Variants in SULT1B1 observed in about 807,000 individuals in gnomAD.
SULT1B1 encodes the protein sulfotransferase 1B1.
Under a neutral mutation model 34.6 loss-of-function variants are expected in SULT1B1, and 28 were observed. That is an observed-to-expected ratio of 0.81 (90% CI 0.60 to 1.11). The LOEUF is 1.11. SULT1B1 is among the 50% of genes least tolerant of loss of function. SULT1B1 has a pLI of 0.00. For missense variants in SULT1B1, 374 were observed against 352.2 expected (o/e 1.06, Z -0.50); for synonymous variants, 147 against 110.2 (o/e 1.33, Z -2.09).
At chr4:69,742,932 C>A (rs995326235) in intron 4 of SULT1B1, among the ~76,000 whole-genome samples, 2 of 152,230 alleles carry the variant, frequency 1.3e-5, no homozygotes, top group African/African-American at 4.8e-5. Context: ...ACACCATAAA[C>A]AACTTCCACA....
chr4:69,743,694 C>T (rs1392823682), intron 4 of SULT1B1, among the ~76,000 whole-genome samples: 3 of 152,200 alleles, frequency 2.0e-5, no homozygotes, highest in Admixed American at 1.3e-4. Context: ...TGCCCAAAGT[C>T]CAGAGGGGAC....
At chr4:69,746,359 G>A (rs937354390) in intron 4 of SULT1B1, among the ~76,000 whole-genome samples, 2 of 151,974 alleles carry the variant, frequency 1.3e-5, no homozygotes, top group African/African-American at 2.4e-5. Flanking sequence ...CACAGGTTTG[G>A]TGTCTATATA....
intron 4 of SULT1B1, among the ~76,000 whole-genome samples, chr4:69,743,262 G>A (rs1718620650): frequency 6.6e-6 from 1 of 152,174 alleles, no homozygotes; most frequent in African/African-American, 2.4e-5. Flanking sequence ...GCTTTATTGA[G>A]CATGGTAGTC....
Position 69,726,683 on chromosome 4 carries a change from G to C in SULT1B1, c.*405C>G, listed in dbSNP as rs1476964882. Reference sequence around the variant, plus strand: ...TCAAATTTTCGGCAAAGGGAAATTGGGGCAGAGTTAGGAAATATAGTCTCA... The same window carrying C: ...TCAAATTTTCGGCAAAGGGAAATTGCGGCAGAGTTAGGAAATATAGTCTCA... On this transcript the variant is annotated 3_prime_UTR_variant, in exon 8 of 8. Coordinates refer to ENST00000310613, the MANE Select transcript of SULT1B1 (RefSeq NM_014465.4). 1 of 152,642 alleles carries C rather than the reference G, an allele frequency of 6.6e-6. No homozygotes were observed. Among genetic ancestry groups the C allele is most frequent in the East Asian group, 1.9e-4 (1 of 5,188 alleles). The allele number at this position is 152,642 out of a possible 1,614,324, so 9.5% of individuals were successfully genotyped here.
intron 6 of SULT1B1, 32 bp from the exon 7 acceptor site, chr4:69,730,713 A>AAGGTGTGTC: frequency 6.4e-7 from 1 of 1,572,466 alleles, no homozygotes; most frequent in Non-Finnish European, 8.7e-7. Flanking sequence ...GACAATAAAC[A>AAGGTGTGTC]AGTAACTCAC....
chr4:69,743,110 G>C (rs1718614899), intron 4 of SULT1B1, among the ~76,000 whole-genome samples: 1 of 152,216 alleles, frequency 6.6e-6, no homozygotes, highest in Non-Finnish European at 1.5e-5. Flanking sequence ...TCACACACAA[G>C]GTGGTGAGCA....
rs1188898171 is a variant in SULT1B1 at position 69,724,306 on chromosome 4, A to C, written c.*2782T>G. On this transcript the variant is annotated 3_prime_UTR_variant, in exon 8 of 8. Transcript: ENST00000310613. ...AGAGAATAAAATACCTAGGAATCCA[A>C]CTTACAAGGGATGTGAAGGATCACT... 3 of 152,212 alleles carry C rather than the reference A, an allele frequency of 2.0e-5. No individual in the cohort carries two copies. Among genetic ancestry groups the C allele is most frequent in the Non-Finnish European group, 4.4e-5 (3 of 68,054 alleles). 9.4% of individuals were successfully genotyped at this position (152,212 alleles called of 1,614,324 possible).
Position 69,733,525 on chromosome 4 carries a change from T to A in SULT1B1, c.503-18A>T. 2 of 1,521,090 alleles carry A rather than the reference T, an allele frequency of 1.3e-6. No individual in the cohort carries two copies. The highest frequency in any genetic ancestry group is 4.7e-5 in the East Asian group (2 of 42,758). The allele number at this position is 1,521,090 out of a possible 1,614,324, so 94.2% of individuals were successfully genotyped here. A position where few individuals can be genotyped will look rare whatever the true frequency, so the allele number is the denominator to read the frequency against. On this transcript the variant is annotated intron_variant, in intron 5 of 7. Coordinates refer to ENST00000310613, the MANE Select transcript of SULT1B1 (RefSeq NM_014465.4). ...ATAGGCCACTAAAACCAGATAAAAG[T>A]CTATTTTCATAAACATTCATCAAAT...
intron 3 of SULT1B1, 29 bp from the exon 4 acceptor site, chr4:69,749,847 T>TTA: frequency 2.0e-6 from 3 of 1,537,724 alleles, no homozygotes; most frequent in Non-Finnish European, 2.7e-6. Context: ...TATAGGGAAA[T>TTA]ATTAGAGTCT....
intron 4 of SULT1B1, among the ~76,000 whole-genome samples, chr4:69,744,247 G>A (rs777846939): frequency 4.3e-4 from 66 of 152,154 alleles, no homozygotes; most frequent in Non-Finnish European, 8.4e-4. Flanking sequence ...TGCCAGGGGT[G>A]GACTCTAGGG....
At chr4:69,747,860 C>A (rs770761020) in intron 4 of SULT1B1, among the ~76,000 whole-genome samples, 1 of 152,190 alleles carries the variant, frequency 6.6e-6, no homozygotes, top group Admixed American at 6.5e-5. Flanking sequence ...CAAACCTATG[C>A]AGGATTCCTA....
At position 69,727,071 on chromosome 4, in the gene SULT1B1, T is replaced by A. The variant is rs780199988; in HGVS notation, c.*17A>T. On this transcript the variant is annotated 3_prime_UTR_variant, in exon 8 of 8. Transcript: ENST00000310613. Reference sequence around the variant, plus strand: ...ACAGACAATCTCTTATTTCTTCAGATGTGTGATTTAGACACTTTAAATCTC... The same window carrying A: ...ACAGACAATCTCTTATTTCTTCAGAAGTGTGATTTAGACACTTTAAATCTC... 21 of 1,566,358 alleles carry A rather than the reference T, an allele frequency of 1.3e-5. No individual in the cohort carries two copies. In the African/African-American group the frequency reaches 2.5e-4, roughly 18 times the overall value.
chr4:69,757,629 TA>T (rs891172648), intron 1 of SULT1B1, among the ~76,000 whole-genome samples: 1 of 152,096 alleles, frequency 6.6e-6, no homozygotes, highest in Non-Finnish European at 1.5e-5. Context: ...TTTGGGCAAA[TA>T]TTTTTTCATT....
At chr4:69,727,991 T>A (rs905860156) in intron 7 of SULT1B1, among the ~76,000 whole-genome samples, 3 of 152,020 alleles carry the variant, frequency 2.0e-5, no homozygotes, top group African/African-American at 7.2e-5. Context: ...CCACAGTGGT[T>A]TGATAAAACT....
chr4:69,758,643 A>T (rs1202334274), intron 1 of SULT1B1, among the ~76,000 whole-genome samples: 2 of 152,206 alleles, frequency 1.3e-5, no homozygotes, highest in African/African-American at 4.8e-5. Context: ...CACACATATT[A>T]TGCAAAAGTG....
In SULT1B1 at chr4:69,721,207, TA is replaced by T. The variant is rs1272053782; in HGVS notation, c.*5880del. ...TTTATTGAATTCATTAAGTGGCAGT[TA>T]AAAAAGGATTACTTCACTGCTGAAA... On this transcript the variant is annotated 3_prime_UTR_variant, in exon 8 of 8. Transcript: ENST00000310613. 6.6e-6 allele frequency: 1 copy of T among 152,120 alleles called. No individual in the cohort carries two copies. Among genetic ancestry groups the T allele is most frequent in the Admixed American group, 6.6e-5 (1 of 15,234 alleles). The allele number at this position is 152,120 out of a possible 1,614,324, so 9.4% of individuals were successfully genotyped here.
chr4:69,750,520 C>T (rs575913327), intron 3 of SULT1B1, among the ~76,000 whole-genome samples: 43 of 152,208 alleles, frequency 2.8e-4, no homozygotes, highest in African/African-American at 8.4e-4. Context: ...ACAGTCTAAA[C>T]TCTAGAATAC....
chr4:69,735,114 G>A (rs751527106), intron 4 of SULT1B1, among the ~76,000 whole-genome samples: 13 of 152,000 alleles, frequency 8.6e-5, no homozygotes, highest in South Asian at 2.1e-4. Context: ...CATCGTGCCC[G>A]GCCTTTTGTA....
chr4:69,729,819 C>T (rs1717994620), intron 7 of SULT1B1, among the ~76,000 whole-genome samples: 1 of 152,024 alleles, frequency 6.6e-6, no homozygotes, highest in South Asian at 2.1e-4. Context: ...AAGTGGATAA[C>T]TTCTCAAAGT....
Sources: gnomAD v4.1 joint callset for allele counts (sites outside exome capture counted in the v4.1 genomes callset) on GRCh38, gnomAD v4.1.1 for gene constraint, MANE v1.5 for transcripts, NCBI Gene and HGNC (gene_info 2026-07-23, HGNC 2026-07-21) for gene names.